PGBD5: variants seen among roughly 807,000 people sequenced by gnomAD.
PGBD5 encodes piggyBac transposable element derived 5.
PGBD5 carries 14 observed loss-of-function variants against 47.9 expected under a neutral mutation model. The observed-to-expected ratio is 0.29, with a 90% CI of 0.19 to 0.46. PGBD5 has a LOEUF of 0.46. Ranked by LOEUF, PGBD5 falls within the 20% of genes least tolerant of loss-of-function variation. The pLI is 1.00. For synonymous variants in PGBD5, 316 were observed against 306.3 expected (o/e 1.03, Z -0.33); for missense variants, 635 against 716.0 (o/e 0.89, Z 1.29).
intron 1 of PGBD5, among the ~76,000 whole-genome samples, chr1:230,376,641 G>C (rs991424615): frequency 6.6e-6 from 1 of 152,114 alleles, no homozygotes; most frequent in African/African-American, 2.4e-5. Context: ...CCATTGTTCA[G>C]GATGTTCATT....
chr1:230,422,867 G>A (rs142393459), intron 1 of PGBD5, among the ~76,000 whole-genome samples: 15 of 151,946 alleles, frequency 9.9e-5, no homozygotes, highest in African/African-American at 3.6e-4. Flanking sequence ...TCCCAGCTGG[G>A]CACCAAGTAT....
chr1:230,356,836 G>T, intron 2 of PGBD5, 58 bp downstream of exon 2: 1 of 1,560,606 alleles, frequency 6.4e-7, no homozygotes, highest in Non-Finnish European at 8.7e-7. Flanking sequence ...AACAGACAAG[G>T]CTAGGCCGAG....
chr1:230,341,311 C>T (rs996394152), intron 3 of PGBD5, among the ~76,000 whole-genome samples: 23 of 152,262 alleles, frequency 1.5e-4, no homozygotes, highest in Middle Eastern at 3.4e-3. Context: ...GATGGCCAGG[C>T]AGGTCCGGTA....
intron 1 of PGBD5, among the ~76,000 whole-genome samples, chr1:230,394,162 C>T (rs891359418): frequency 2.0e-5 from 3 of 151,992 alleles, no homozygotes; most frequent in Non-Finnish European, 4.4e-5. Flanking sequence ...TGGGGATCAT[C>T]CCACAGGGCC....
intron 1 of PGBD5, among the ~76,000 whole-genome samples, chr1:230,375,041 G>C (rs1461782225): frequency 1.3e-5 from 2 of 152,098 alleles, no homozygotes; most frequent in African/African-American, 4.8e-5. Flanking sequence ...AGGATGCCAG[G>C]CCCTTTCTTC....
At chr1:230,385,576 G>GTGAC (rs1221683011) in intron 1 of PGBD5, among the ~76,000 whole-genome samples, 1 of 152,112 alleles carries the variant, frequency 6.6e-6, no homozygotes, top group Non-Finnish European at 1.5e-5. Flanking sequence ...GCACACAAAG[G>GTGAC]TGACTCACTT....
intron 1 of PGBD5, among the ~76,000 whole-genome samples, chr1:230,387,538 A>T (rs1369573660): frequency 6.6e-6 from 1 of 152,184 alleles, no homozygotes; most frequent in Non-Finnish European, 1.5e-5. Context: ...AGGTCAGGTG[A>T]CTGAATCCAG....
At chr1:230,351,165 A>C in intron 2 of PGBD5, 73 bp from the exon 3 acceptor site, 82 of 1,465,268 alleles carry the variant, frequency 5.6e-5, no homozygotes, top group Non-Finnish European at 7.0e-5. Context: ...ATTGGAGCTC[A>C]AATTCAGCCT....
chr1:230,356,557 T>G (rs1667648573), intron 2 of PGBD5, among the ~76,000 whole-genome samples: 1 of 152,136 alleles, frequency 6.6e-6, no homozygotes, highest in Admixed American at 6.5e-5. Context: ...ACTCAGAGAA[T>G]ATGACAATAA....
Position 230,356,938 on chromosome 1 carries a change from G to A in PGBD5, c.715C>T (p.Leu239=). 4.3e-6 allele frequency: 7 copies of A among 1,614,192 alleles called. No homozygotes were observed. Among genetic ancestry groups the A allele is most frequent in the Non-Finnish European group, 5.1e-6 (6 of 1,180,030 alleles). The stretch of plus-strand genomic sequence containing the variant: ...AAGGCAGAGTCGAAGCTGTTCTGCA[G>A]GGAGTCGAGGAAGGGCTGGACCTTG... ...LYKVQPFLDS[L]QNSFDSAFRP... The change falls in exon 2 of 7, where the codon CTG becomes TTG. Residue 239 remains leucine (L), a synonymous_variant. Transcript: ENST00000391860.
intron 1 of PGBD5, among the ~76,000 whole-genome samples, chr1:230,400,689 C>T (rs915178477): frequency 2.2e-5 from 3 of 136,354 alleles, no homozygotes; most frequent in Non-Finnish European, 4.7e-5. Context: ...TTAAATGTTG[C>T]ACAATTTAAG....
At chr1:230,345,896 A>AT (rs995048632) in intron 3 of PGBD5, among the ~76,000 whole-genome samples, 24 of 151,914 alleles carry the variant, frequency 1.6e-4, no homozygotes, top group African/African-American at 5.3e-4. Context: ...TATTAAATGC[A>AT]TTTTTTTTAG....
chr1:230,413,783 A>AT (rs1272874790), intron 1 of PGBD5, among the ~76,000 whole-genome samples: 2 of 151,982 alleles, frequency 1.3e-5, no homozygotes, highest in African/African-American at 4.8e-5. Flanking sequence ...CATCACAACT[A>AT]TCTGTGGATC....
intron 1 of PGBD5, among the ~76,000 whole-genome samples, chr1:230,359,075 T>G (rs746009078): frequency 2.8e-4 from 43 of 152,016 alleles, no homozygotes; most frequent in Non-Finnish European, 4.7e-4. Context: ...TTCTTTTCTT[T>G]TTTTTTTTGA....
intron 1 of PGBD5, among the ~76,000 whole-genome samples, chr1:230,365,337 T>C (rs1014862485): frequency 2.0e-5 from 3 of 150,408 alleles, no homozygotes; most frequent in Non-Finnish European, 4.4e-5. Flanking sequence ...AGCTAATCAA[T>C]TGGCTAATAT....
chr1:230,404,923 C>T (rs60088267), intron 1 of PGBD5, among the ~76,000 whole-genome samples: 10 of 105,316 alleles, frequency 9.5e-5, no homozygotes, highest in Non-Finnish European at 1.3e-4. Context: ...GAAACTCCAT[C>T]TCAAAAAAAA....
Position 230,321,145 on chromosome 1 carries a change from A to G in PGBD5, c.*2280T>C, listed in dbSNP as rs1226572762. 1 of 152,254 alleles carries G rather than the reference A, an allele frequency of 6.6e-6. No individual in the cohort carries two copies. Among genetic ancestry groups the G allele is most frequent in the Non-Finnish European group, 1.5e-5 (1 of 68,050 alleles). 9.4% of individuals were successfully genotyped at this position (152,254 alleles called of 1,614,324 possible). A position where few individuals can be genotyped will look rare whatever the true frequency, so the allele number is the denominator to read the frequency against. ...GAAGGCAGGCCTGCTAGTGTCTTCA[A>G]TGAAACAGGCACCTCAAATACAACT... On this transcript the variant is annotated 3_prime_UTR_variant, in exon 7 of 7. Transcript: ENST00000391860.
At chr1:230,372,278 T>C (rs890739637) in intron 1 of PGBD5, among the ~76,000 whole-genome samples, 1 of 152,230 alleles carries the variant, frequency 6.6e-6, no homozygotes, top group African/African-American at 2.4e-5. Flanking sequence ...CAGAGCAGTT[T>C]CGTTGCTGGT....
chr1:230,368,672 AG>A (rs1667880921), intron 1 of PGBD5, among the ~76,000 whole-genome samples: 1 of 152,244 alleles, frequency 6.6e-6, no homozygotes, highest in Non-Finnish European at 1.5e-5. Flanking sequence ...GAAAATGCTG[AG>A]GGAGAGAAGA....
Sources: gnomAD v4.1 joint callset for allele counts (sites outside exome capture counted in the v4.1 genomes callset) on GRCh38, gnomAD v4.1.1 for gene constraint, MANE v1.5 for transcripts, NCBI Gene and HGNC (gene_info 2026-07-23, HGNC 2026-07-21) for gene names.